CUL9: variants seen among roughly 807,000 people sequenced by gnomAD.
The protein encoded by CUL9 is cullin 9.
In CUL9, 79 loss-of-function variants were observed where a neutral mutation model predicts 272.6. That is an observed-to-expected ratio of 0.29 (90% confidence interval 0.24 to 0.35). The LOEUF is 0.35. Among genes scored for constraint, CUL9 ranks in the 10% least tolerant of loss-of-function variants. The pLI is 1.00. For missense variants in CUL9, 2,532 were observed against 3,255.6 expected (o/e 0.78, Z 5.41); for synonymous variants, 1,186 against 1,286.5 (o/e 0.92, Z 1.67).
intron 30 of CUL9, 86 bp from the exon 31 acceptor site, chr6:43,216,072 A>T: frequency 7.8e-7 from 1 of 1,274,066 alleles, no homozygotes; most frequent in Middle Eastern, 2.0e-4. Context: ...ATGCTCAAAG[A>T]GGGAGCTGGG....
Position 43,222,530 on chromosome 6 carries a change from G to A in CUL9, c.6922-1G>A. 1.2e-6 allele frequency: 2 copies of A among 1,614,012 alleles called. No individual in the cohort carries two copies. Among genetic ancestry groups the A allele is most frequent in the Non-Finnish European group, 1.7e-6 (2 of 1,180,020 alleles). On this transcript the variant is annotated splice_acceptor_variant, in intron 36 of 40. Transcript: ENST00000252050. LOFTEE classifies it high-confidence loss of function. ...GTACTGATACACCTTCCTCCACACA[G>A]GAGTTTGCTGTGAACTTGCGGAACC...
At position 43,200,358 on chromosome 6, in the gene CUL9, T is replaced by TC; in HGVS notation, c.3385-77dup. 1 of 1,610,760 alleles carries TC rather than the reference T, an allele frequency of 6.2e-7. No homozygotes were observed. The highest frequency in any genetic ancestry group is 8.5e-7 in the Non-Finnish European group (1 of 1,177,276). On this transcript the variant is annotated intron_variant, in intron 14 of 40. Transcript: ENST00000252050. The surrounding 1 kb of genome is among the most constrained non-coding windows in gnomAD (Gnocchi z 4.0). ...AGTATACCGTTGACCCTTGACTTTT[T>TC]CTCTCTACCTGTTTCTGGGCATTTC...
chr6:43,209,333 TAG>T (rs1218825016), intron 26 of CUL9, among the ~76,000 whole-genome samples: 7 of 151,560 alleles, frequency 4.6e-5, no homozygotes, highest in African/African-American at 1.7e-4. Context: ...GTATTTTTAG[TAG>T]AGACAGGGTT....
In CUL9 at chr6:43,199,021, C is replaced by T. The variant is rs1012059795; in HGVS notation, c.3050+166C>T. ...GCACGATCTCAGCTCACTGCAACCT[C>T]TACCTCCCAGGTTCAAGTGGTTCTC... On this transcript the variant is annotated intron_variant, in intron 12 of 40. Transcript: ENST00000252050. The surrounding 1 kb of genome is among the most constrained non-coding windows in gnomAD (Gnocchi z 4.4). 6.6e-6 allele frequency among the ~76,000 whole-genome samples: 1 copy of T among 151,896 alleles called. No homozygotes were observed. The highest frequency in any genetic ancestry group is 1.5e-5 in the Non-Finnish European group (1 of 68,000).
At chr6:43,205,933 C>T in intron 24 of CUL9, 74 bp from the exon 25 acceptor site, 2 of 1,332,304 alleles carry the variant, frequency 1.5e-6, no homozygotes, top group South Asian at 1.3e-5. Flanking sequence ...ACAGAGGGAC[C>T]TACATTCTCG....
rs758031883 is a variant in CUL9, at chr6:43,196,840, G to A, written c.2781G>A (p.Pro927=). The change falls in exon 11 of 41, where the codon CCG becomes CCA. Residue 927 remains proline, a synonymous_variant. Coordinates refer to ENST00000252050, the MANE Select transcript of CUL9 (RefSeq NM_015089.4). ...TGCTTCTCAATCGCTACTCAGAGCCGCCGGGCAGCCCTGAGCGTGCAGGTA... is the reference window on the plus strand; with the variant it reads ...TGCTTCTCAATCGCTACTCAGAGCCACCGGGCAGCCCTGAGCGTGCAGGTA... ...LMMLLNRYSE[P]PGSPERAALE... 5.4e-5 allele frequency: 87 copies of A among 1,613,970 alleles called. No homozygotes were observed. Among genetic ancestry groups the A allele is most frequent in the Non-Finnish European group, 6.9e-5 (82 of 1,180,040 alleles).
chr6:43,217,200 T>A (rs1776008984), intron 31 of CUL9, among the ~76,000 whole-genome samples: 1 of 151,894 alleles, frequency 6.6e-6, no homozygotes, highest in African/African-American at 2.4e-5. Flanking sequence ...TACAAAAAAA[T>A]ACAAAAATAA....
intron 20 of CUL9, 152 bp from the exon 21 acceptor site, chr6:43,204,208 A>G: frequency 9.2e-7 from 1 of 1,082,752 alleles, no homozygotes; most frequent in South Asian, 1.6e-5. Flanking sequence ...ATTTCCCCTG[A>G]CTCCAGCTGA....
Position 43,184,266 on chromosome 6 carries a change from C to G in CUL9, c.-9-36C>G. 7.3e-7 allele frequency: 1 copy of G among 1,367,428 alleles called. No individual in the cohort carries two copies. 84.7% of individuals were successfully genotyped at this position (1,367,428 alleles called of 1,614,324 possible). A position where few individuals can be genotyped will look rare whatever the true frequency, so the allele number is the denominator to read the frequency against. Reference sequence around the variant, plus strand: ...CCCCTCCATGTATTTTTTTTCTTTTCTCATACTGCCTTATCTTTCTCCTTG... The same window carrying G: ...CCCCTCCATGTATTTTTTTTCTTTTGTCATACTGCCTTATCTTTCTCCTTG... On this transcript the variant is annotated intron_variant, in intron 1 of 40. Coordinates refer to ENST00000252050, the MANE Select transcript of CUL9 (RefSeq NM_015089.4). This position sits in a 1 kb window ranked among gnomAD's most constrained non-coding sequence, Gnocchi z 4.8.
At position 43,220,361 on chromosome 6, in the gene CUL9, G is replaced by T; in HGVS notation, c.6283-98G>T. On this transcript the variant is annotated intron_variant, in intron 31 of 40. Transcript: ENST00000252050. The surrounding 1 kb of genome is among the most constrained non-coding windows in gnomAD (Gnocchi z 4.9). Reference sequence around the variant, plus strand: ...TTCTGGCCTTCCACGTTGTAGTGGAGGGGAAGGGAAGGAGGGACGCTAGCT... The same window carrying T: ...TTCTGGCCTTCCACGTTGTAGTGGATGGGAAGGGAAGGAGGGACGCTAGCT... 1 of 1,376,846 alleles carries T rather than the reference G, an allele frequency of 7.3e-7. No individual in the cohort carries two copies. Among genetic ancestry groups the T allele is most frequent in the Non-Finnish European group, 1.0e-6 (1 of 989,172 alleles). 85.3% of individuals were successfully genotyped at this position (1,376,846 alleles called of 1,614,324 possible). A position where few individuals can be genotyped will look rare whatever the true frequency, so the allele number is the denominator to read the frequency against.
chr6:43,213,619 C>T lies in CUL9; in HGVS notation c.5488+52C>T. On this transcript the variant is annotated intron_variant, in intron 28 of 40. Coordinates refer to ENST00000252050, the MANE Select transcript of CUL9 (RefSeq NM_015089.4). The surrounding 1 kb of genome is among the most constrained non-coding windows in gnomAD (Gnocchi z 5.7). Reference sequence around the variant, plus strand: ...CTCTGCTGCTGGTCGGGGGGTCGCCCTCAAGATGGGGGGACTGTGAGAATG... The same window carrying T: ...CTCTGCTGCTGGTCGGGGGGTCGCCTTCAAGATGGGGGGACTGTGAGAATG... The T allele has an allele frequency of 1.9e-6, 3 of 1,601,568 alleles. No individual in the cohort carries two copies. Among genetic ancestry groups the T allele is most frequent in the East Asian group, 2.2e-5 (1 of 44,636 alleles).
rs1377594617 is a variant in CUL9, at chr6:43,193,045, T to G, written c.2225T>G (p.Val742Gly). The G allele has an allele frequency of 6.2e-7, 1 of 1,614,008 alleles. No individual in the cohort carries two copies. The highest frequency in any genetic ancestry group is 1.1e-5 in the South Asian group (1 of 91,074). Reference sequence around the variant, plus strand: ...CTGGTGGAGCTGCTGACCAACCAGGTGGGAGAGAAGATGGTGGTCGTGCAG... The same window carrying G: ...CTGGTGGAGCTGCTGACCAACCAGGGGGGAGAGAAGATGGTGGTCGTGCAG... The part of the protein sequence containing the change: ...KMLVELLTNQ[V>G]GEKMVVVQAL... The change falls in exon 9 of 41, where the codon GTG becomes GGG. Residue 742 changes from valine (V) to glycine (G), a missense_variant. This residue lies in a region of CUL9 where 2,218 missense variants were observed against 2,788.6 expected (regional missense o/e 0.80). Transcript: ENST00000252050.
chr6:43,201,678 A>G (rs1774576558), intron 16 of CUL9, among the ~76,000 whole-genome samples: 1 of 152,050 alleles, frequency 6.6e-6, no homozygotes, highest in South Asian at 2.1e-4. Flanking sequence ...ACGGGGTTTC[A>G]CCGTGTTAGT....
Position 43,184,203 on chromosome 6 carries a change from C to A in CUL9, c.-9-99C>A. ...TCCTAAATTCTACCATGCAGCCTAC[C>A]GATCACCACCCACCTTCTCTGTGTC... is the stretch of plus-strand genomic sequence containing the variant. On this transcript the variant is annotated intron_variant, in intron 1 of 40. Transcript: ENST00000252050. The surrounding 1 kb of genome is among the most constrained non-coding windows in gnomAD (Gnocchi z 4.8). 2 of 900,552 alleles carry A rather than the reference C, an allele frequency of 2.2e-6. No individual in the cohort carries two copies. The highest frequency in any genetic ancestry group is 3.1e-6 in the Non-Finnish European group (2 of 635,622). 55.8% of individuals were successfully genotyped at this position (900,552 alleles called of 1,614,324 possible). A position where few individuals can be genotyped will look rare whatever the true frequency, so the allele number is the denominator to read the frequency against.
At chr6:43,215,347 C>CT (rs746109510) in intron 30 of CUL9, 21 bp downstream of exon 30, 1 of 1,585,026 alleles carries the variant, frequency 6.3e-7, no homozygotes, top group Non-Finnish European at 8.6e-7. Flanking sequence ...CACCTGACCC[C>CT]TTGCAGTGAG....
chr6:43,205,986 C>T, intron 24 of CUL9, 21 bp from the exon 25 acceptor site: 1 of 1,608,610 alleles, frequency 6.2e-7, no homozygotes, highest in Non-Finnish European at 8.5e-7. Context: ...TGAGGCTTGG[C>T]CCGGGCTGTG....
At position 43,184,441 on chromosome 6, in the gene CUL9, T is replaced by C; in HGVS notation, c.131T>C (p.Val44Ala). The C allele has an allele frequency of 1.9e-6, 3 of 1,613,852 alleles. No homozygotes were observed. Among genetic ancestry groups the C allele is most frequent in the Non-Finnish European group, 8.5e-7 (1 of 1,179,910 alleles). The stretch of plus-strand genomic sequence containing the variant: ...CCTGAATACCTGATCCGATGGAGTG[T>C]CCTGAAGTGTGGGGAAGTGGGCAAA... ...GHPEYLIRWS[V>A]LKCGEVGKVG... is the part of the protein sequence containing the mutation. Residue 44 changes from valine (V) to alanine (A), a missense_variant, in exon 2 of 41, where the codon GTC (valine) becomes GCC (alanine). Physicochemically the swap from Val to Ala is moderately conservative, Grantham distance 64. This residue lies in a region of CUL9 where 2,218 missense variants were observed against 2,788.6 expected (regional missense o/e 0.80). Transcript: ENST00000252050. This position sits in a 1 kb window ranked among gnomAD's most constrained non-coding sequence, Gnocchi z 4.8.
At position 43,213,771 on chromosome 6, in the gene CUL9, A is replaced by G. The variant is rs753456461; in HGVS notation, c.5547A>G (p.Ile1849Met). 6.2e-7 allele frequency: 1 copy of G among 1,613,848 alleles called. No individual in the cohort carries two copies. Among genetic ancestry groups the G allele is most frequent in the Admixed American group, 1.7e-5 (1 of 60,006 alleles). ...GCAGTGGGGAGGCCCTGTGGCTGAT[A>G]CCTCCCCAGGCATACCTGAACGTAG... ...PQRSGEALWLIPPQAYLNVEK... is the reference protein window; with the variant it reads ...PQRSGEALWLMPPQAYLNVEK... The change falls in exon 29 of 41, where the codon ATA (isoleucine) becomes ATG (methionine). Residue 1849 changes from isoleucine to methionine, a missense_variant. By Grantham distance (10) the Ile-to-Met change is conservative. Transcript: ENST00000252050. This position sits in a 1 kb window ranked among gnomAD's most constrained non-coding sequence, Gnocchi z 5.7.
In CUL9 at chr6:43,222,886, G is replaced by T. The variant is rs780949462; in HGVS notation, c.7140G>T (p.Gln2380His). Residue 2380 changes from glutamine (Q) to histidine (H), a missense_variant, in exon 38 of 41, where the codon CAG becomes CAT. This residue lies in a region of CUL9 where 237 missense variants were observed against 305.9 expected (regional missense o/e 0.77). Transcript: ENST00000252050. ...ENLELHTNAL[Q>H]ILLEETLLRC... ...TGGAGCTGCACACCAATGCCCTGCAGATCCTCCTGGGTGAGCCACCCCTGC... is the reference window on the plus strand; with the variant it reads ...TGGAGCTGCACACCAATGCCCTGCATATCCTCCTGGGTGAGCCACCCCTGC... 1 of 1,613,554 alleles carries T rather than the reference G, an allele frequency of 6.2e-7. No individual in the cohort carries two copies.
Sources: allele counts gnomAD v4.1 joint callset (sites outside exome capture counted in the v4.1 genomes callset), GRCh38; gene constraint gnomAD v4.1.1; regional missense constraint gnomAD v4.1.1; non-coding constraint Gnocchi (gnomAD v3.1); transcripts MANE v1.5; gene names NCBI Gene and HGNC (gene_info 2026-07-23, HGNC 2026-07-21).